Variants in MTERF4 observed in about 807,000 individuals in gnomAD.
The protein encoded by MTERF4 is mitochondrial transcription termination factor 4.
A neutral mutation model predicts 22.5 loss-of-function variants in MTERF4; 17 were observed. The observed-to-expected ratio is 0.75, with a 90% CI of 0.52 to 1.13. The LOEUF (loss-of-function observed/expected upper bound fraction) is 1.13. Ranked by LOEUF, MTERF4 falls within the 50% of genes most tolerant of loss-of-function variation. The pLI is 0.00. For synonymous variants in MTERF4, 165 were observed against 175.3 expected, an observed-to-expected ratio of 0.94 and a Z score of 0.47; for missense variants, 420 against 466.8, an observed-to-expected ratio of 0.90 and a Z score of 0.92.
chr2:241,059,643 AAT>A, the MTERF4 span, among the ~76,000 whole-genome samples: 1 of 152,276 alleles, frequency 6.6e-6, no homozygotes, highest in Non-Finnish European at 1.5e-5. Context: ...AATGTCAATC[AAT>A]GTACTTCATC....
Position 241,073,149 on chromosome 2 carries a change from G to T in MTERF4, n.3013C>A. 1.4e-6 allele frequency: 1 copy of T among 727,964 alleles called. No individual in the cohort carries two copies. Among genetic ancestry groups the T allele is most frequent in the Non-Finnish European group, 2.3e-6 (1 of 439,970 alleles). The allele number at this position is 727,964 out of a possible 1,614,324, so 45.1% of individuals were successfully genotyped here. A position where few individuals can be genotyped will look rare whatever the true frequency, so the allele number is the denominator to read the frequency against. On this transcript the variant is annotated non_coding_transcript_exon_variant, in exon 5 of 5. Coordinates refer to the MTERF4 transcript ENST00000464344. This position sits in a 1 kb window ranked among gnomAD's most constrained non-coding sequence, Gnocchi z 6.6. ...GTGCTGGGGCCACGCAGGGAGCCTG[G>T]TCCCCACCAGGGACATCCGTGCTCC...
intron 4 of MTERF4, among the ~76,000 whole-genome samples, chr2:241,080,395 C>G (rs932067680): frequency 1.3e-5 from 2 of 152,138 alleles, no homozygotes; most frequent in African/African-American, 4.8e-5. Context: ...TTTTCTAGTT[C>G]TGTTCATTGA....
chr2:241,068,002 G>A (rs373271908), downstream of MTERF4: 1,712 of 1,489,538 alleles, frequency 1.1e-3, 14 homozygotes, highest in African/African-American at 0.019. This position sits in a 1 kb window ranked among gnomAD's most constrained non-coding sequence, Gnocchi z 5.3. Context: ...GTGGGGGCTC[G>A]GGGACACGGG....
At chr2:241,063,818 A>C in the MTERF4 span, 25 of 686,656 alleles carry the variant, frequency 3.6e-5, no homozygotes, top group Non-Finnish European at 5.6e-5. Context: ...AGGGACCCCC[A>C]GGGCTGCGGC....
chr2:241,064,945 G>T, the MTERF4 span: 2 of 1,585,210 alleles, frequency 1.3e-6, no homozygotes, highest in Non-Finnish European at 8.6e-7. The surrounding 1 kb of genome is among the most constrained non-coding windows in gnomAD (Gnocchi z 7.0). Flanking sequence ...CACGGGCGAG[G>T]ACTGCGCCAA....
At chr2:241,082,393 C>T (rs780515627), downstream of MTERF4, 20 of 1,559,838 alleles carry the variant, frequency 1.3e-5, no homozygotes, top group Non-Finnish European at 1.8e-5. Flanking sequence ...TCCGCCTTAC[C>T]GCATTTGTCG....
chr2:241,047,146 C>CAAAAAAAAAAAAAAAAAAAAAAA, the MTERF4 span, among the ~76,000 whole-genome samples: 1 of 68,152 alleles, frequency 1.5e-5, no homozygotes, highest in Non-Finnish European at 3.4e-5. Flanking sequence ...GAGACTCTGT[C>CAAAAAAAAAAAAAAAAAAAAAAA]AAAAAAAAAA....
chr2:241,056,611 C>T, the MTERF4 span, among the ~76,000 whole-genome samples: 6 of 86,068 alleles, frequency 7.0e-5, no homozygotes, highest in South Asian at 4.3e-4. Flanking sequence ...GACGGAGTCT[C>T]GCTCTGTCTT....
downstream of MTERF4, chr2:241,071,267 G>A: frequency 2.2e-6 from 1 of 462,018 alleles, no homozygotes; most frequent in Non-Finnish European, 4.0e-6. Context: ...CGAGTGCCCA[G>A]CCCCTTGAGA....
chr2:241,099,153 C>T, intron 2 of MTERF4: 1 of 434,508 alleles, frequency 2.3e-6, no homozygotes, highest in Non-Finnish European at 4.1e-6. Flanking sequence ...CAGCTCACTG[C>T]AACCTCCGCC....
the MTERF4 span, chr2:241,052,581 G>A: frequency 3.4e-6 from 3 of 870,688 alleles, no homozygotes; most frequent in South Asian, 1.5e-5. Flanking sequence ...AGGTGAGAGG[G>A]CCAGGGGGCC....
exon 5 of MTERF4, chr2:241,072,786 T>C: frequency 5.2e-6 from 1 of 190,982 alleles, no homozygotes; most frequent in Non-Finnish European, 1.1e-5. Context: ...GAAGCGGATA[T>C]GAAGTGCCCG....
downstream of MTERF4, chr2:241,067,923 G>C (rs2062530481): frequency 6.2e-7 from 1 of 1,613,078 alleles, no homozygotes. Context: ...GATGTGGACA[G>C]GAGTGTGGAC....
chr2:241,053,158 G>C, the MTERF4 span: 1 of 1,609,682 alleles, frequency 6.2e-7, no homozygotes. Flanking sequence ...TGCAGAGGTG[G>C]ACTGCGGCCC....
At chr2:241,051,702 C>T in the MTERF4 span, 5 of 1,374,208 alleles carry the variant, frequency 3.6e-6, no homozygotes, top group South Asian at 7.5e-5. This position sits in a 1 kb window ranked among gnomAD's most constrained non-coding sequence, Gnocchi z 4.7. Context: ...GTGGGGCCAG[C>T]AGCCTGGCCC....
the MTERF4 span, chr2:241,052,606 G>A: frequency 1.4e-6 from 1 of 714,770 alleles, no homozygotes; most frequent in African/African-American, 1.8e-5. Flanking sequence ...AGGATATATG[G>A]GATACCAGTG....
the MTERF4 span, chr2:241,048,391 C>T: frequency 1.9e-6 from 3 of 1,611,954 alleles, no homozygotes; most frequent in Non-Finnish European, 2.5e-6. Context: ...CGGACCAGGG[C>T]TACGTGTGCG....
At chr2:241,053,221 G>A in the MTERF4 span, 5 of 1,609,290 alleles carry the variant, frequency 3.1e-6, no homozygotes, top group Non-Finnish European at 4.2e-6. Flanking sequence ...GCGGCTGGGC[G>A]CGGTGGCCCT....
chr2:241,049,464 C>T, the MTERF4 span, among the ~76,000 whole-genome samples: 2 of 152,166 alleles, frequency 1.3e-5, no homozygotes, highest in East Asian at 1.9e-4. Context: ...CACTACTATA[C>T]GTTTGTTAGT....
Sources: allele counts gnomAD v4.1 joint callset (sites outside exome capture counted in the v4.1 genomes callset), GRCh38; gene constraint gnomAD v4.1.1; non-coding constraint Gnocchi (gnomAD v3.1); transcripts MANE v1.5; gene names NCBI Gene and HGNC (gene_info 2026-07-23, HGNC 2026-07-21).